The following TENM3 variants were observed in gnomAD, a reference collection of about 807,000 sequenced individuals.
TENM3 encodes teneurin-3.
Under a neutral mutation model 255.1 loss-of-function variants are expected in TENM3, and 63 were observed. The ratio of observed to expected loss-of-function variants is 0.25; its 90% CI spans 0.20 to 0.30. The LOEUF is 0.30. Among genes scored for constraint, TENM3 ranks in the 10% least tolerant of loss-of-function variants. TENM3 has a pLI of 1.00. For synonymous variants in TENM3, 1,306 were observed against 1,322.3 expected (o/e 0.99, Z 0.27); for missense variants, 2,929 against 3,461.1 (o/e 0.85, Z 3.86).
intron 22 of TENM3, among the ~76,000 whole-genome samples, chr4:182,758,054 A>G (rs1179414185): frequency 1.3e-5 from 2 of 152,224 alleles, no homozygotes; most frequent in African/African-American, 4.8e-5. Flanking sequence ...TAAAATTAGC[A>G]GAAAGACTGC....
chr4:182,759,950 A>G (rs761866567), intron 22 of TENM3, among the ~76,000 whole-genome samples: 9 of 152,176 alleles, frequency 5.9e-5, no homozygotes, highest in Non-Finnish European at 1.2e-4. Context: ...ACTGGATGGT[A>G]TGGTGGGAAG....
chr4:182,748,681 GCAT>G (rs748297386), intron 19 of TENM3, among the ~76,000 whole-genome samples: 25 of 152,124 alleles, frequency 1.6e-4, no homozygotes, highest in Non-Finnish European at 3.2e-4. Flanking sequence ...GGAGAGACCA[GCAT>G]CTAACAACCA....
At chr4:181,554,067 T>G in the TENM3 span, among the ~76,000 whole-genome samples, 3 of 152,120 alleles carry the variant, frequency 2.0e-5, no homozygotes, top group Non-Finnish European at 4.4e-5. Flanking sequence ...AACCTAATGA[T>G]TCTGTGGTTG....
chr4:182,289,473 A>T (rs1760968602), intron 1 of TENM3, among the ~76,000 whole-genome samples: 1 of 152,142 alleles, frequency 6.6e-6, no homozygotes, highest in Non-Finnish European at 1.5e-5. Context: ...ACACATGTAT[A>T]CTTGTCGCAG....
chr4:182,214,171 A>C (rs900766086), intron 1 of TENM3, among the ~76,000 whole-genome samples: 1 of 152,204 alleles, frequency 6.6e-6, no homozygotes, highest in Non-Finnish European at 1.5e-5. Context: ...TTAAATCTAC[A>C]TGAAAATTTG....
intron 1 of TENM3, among the ~76,000 whole-genome samples, chr4:182,265,483 T>A (rs1759188200): frequency 6.6e-6 from 1 of 152,146 alleles, no homozygotes; most frequent in African/African-American, 2.4e-5. Context: ...TCCCGTAGTG[T>A]TTCCCTCCTT....
At chr4:181,897,174 T>C in the TENM3 span, among the ~76,000 whole-genome samples, 1 of 152,200 alleles carries the variant, frequency 6.6e-6, no homozygotes, top group South Asian at 2.1e-4. Context: ...TGCCCCCAGA[T>C]CTGCAGCCTA....
the TENM3 span, among the ~76,000 whole-genome samples, chr4:181,973,586 A>G: frequency 4.6e-5 from 7 of 151,948 alleles, no homozygotes; most frequent in African/African-American, 1.7e-4. Flanking sequence ...CCCTGTCTCT[A>G]CAAGAAAAAA....
chr4:181,972,597 C>T, the TENM3 span, among the ~76,000 whole-genome samples: 98 of 152,216 alleles, frequency 6.4e-4, no homozygotes, highest in African/African-American at 2.3e-3. Context: ...TAGCAATGAA[C>T]TCCAGTCTCC....
intron 2 of TENM3, among the ~76,000 whole-genome samples, chr4:182,344,999 T>C (rs1028404422): frequency 2.0e-5 from 3 of 152,230 alleles, no homozygotes; most frequent in Non-Finnish European, 4.4e-5. Flanking sequence ...AGGCGCTTTT[T>C]CCTTTTTTTC....
At chr4:182,155,434 TTA>T (rs1750640541) in intron 1 of TENM3, among the ~76,000 whole-genome samples, 1 of 152,080 alleles carries the variant, frequency 6.6e-6, no homozygotes, top group African/African-American at 2.4e-5. Context: ...CTCAAATATT[TTA>T]TATCTATAAT....
chr4:182,381,960 T>C (rs1307657817), intron 3 of TENM3, among the ~76,000 whole-genome samples: 1 of 152,144 alleles, frequency 6.6e-6, no homozygotes, highest in Non-Finnish European at 1.5e-5. Flanking sequence ...GGAGTAGAGG[T>C]CTTGAGTGAG....
intron 1 of TENM3, among the ~76,000 whole-genome samples, chr4:182,226,988 G>A (rs896173181): frequency 9.2e-5 from 14 of 152,126 alleles, no homozygotes; most frequent in African/African-American, 3.1e-4. Context: ...CTTAATGGCA[G>A]TTTAAAGCTG....
At chr4:182,245,454 C>A (rs1757575370) in intron 1 of TENM3, among the ~76,000 whole-genome samples, 1 of 152,202 alleles carries the variant, frequency 6.6e-6, no homozygotes, top group Non-Finnish European at 1.5e-5. Flanking sequence ...ATTGAGATTG[C>A]AAATTTTGTT....
the TENM3 span, among the ~76,000 whole-genome samples, chr4:181,626,271 T>A: frequency 6.6e-6 from 1 of 151,986 alleles, no homozygotes; most frequent in African/African-American, 2.4e-5. Flanking sequence ...AAAAGGCCAG[T>A]GTGGCTGGAG....
chr4:182,005,963 T>G, the TENM3 span, among the ~76,000 whole-genome samples: 1 of 152,156 alleles, frequency 6.6e-6, no homozygotes, highest in Non-Finnish European at 1.5e-5. Flanking sequence ...TTCAAGTTTT[T>G]GGGCTGAGAC....
chr4:181,752,265 A>G, the TENM3 span, among the ~76,000 whole-genome samples: 2 of 152,304 alleles, frequency 1.3e-5, no homozygotes, highest in East Asian at 3.9e-4. Flanking sequence ...TTTAGATTTT[A>G]AAATGGAATG....
At chr4:182,504,959 T>G (rs1318242728) in intron 3 of TENM3, among the ~76,000 whole-genome samples, 1 of 152,198 alleles carries the variant, frequency 6.6e-6, no homozygotes, top group Non-Finnish European at 1.5e-5. Context: ...CATGGTGATA[T>G]TGGGAGGGTG....
chr4:181,821,357 T>C, the TENM3 span, among the ~76,000 whole-genome samples: 3 of 152,188 alleles, frequency 2.0e-5, no homozygotes, highest in Non-Finnish European at 4.4e-5. Context: ...TGAATCCCCT[T>C]TGGTGTTTTG....
Sources: allele counts gnomAD v4.1 joint callset (sites outside exome capture counted in the v4.1 genomes callset), GRCh38; gene constraint gnomAD v4.1.1; transcripts MANE v1.5; gene names NCBI Gene and HGNC (gene_info 2026-07-23, HGNC 2026-07-21).